KALRN: variants seen among roughly 807,000 people sequenced by gnomAD.
The protein encoded by KALRN is kalirin.
Under a neutral mutation model 353.7 loss-of-function variants are expected in KALRN, and 70 were observed. The ratio of observed to expected loss-of-function variants is 0.20; its 90% CI spans 0.16 to 0.24. The LOEUF (loss-of-function observed/expected upper bound fraction) is 0.24. Among genes scored for constraint, KALRN ranks in the 10% least tolerant of loss-of-function variants. The pLI is 1.00. For missense variants in KALRN, 2,791 were observed against 3,756.7 expected (o/e 0.74, Z 6.72); for synonymous variants, 1,391 against 1,434.8 (o/e 0.97, Z 0.69).
intron 1 of KALRN, among the ~76,000 whole-genome samples, chr3:124,138,324 T>C (rs1420016387): frequency 6.6e-6 from 1 of 152,166 alleles, no homozygotes; most frequent in Admixed American, 6.5e-5. Flanking sequence ...GTCAGTTAGC[T>C]CTGACTAAAA....
At chr3:124,467,229 T>G (rs1398745054) in intron 25 of KALRN, among the ~76,000 whole-genome samples, 1 of 152,058 alleles carries the variant, frequency 6.6e-6, no homozygotes, top group African/African-American at 2.4e-5. Context: ...AGGGGTAAAA[T>G]CGAGGCTGGG....
intron 34 of KALRN, among the ~76,000 whole-genome samples, chr3:124,587,660 C>T (rs35949922): frequency 0.13 from 19,355 of 145,160 alleles, 1,528 homozygotes; most frequent in Middle Eastern, 0.19. Flanking sequence ...GTATGGAAAG[C>T]GACTATCTTG....
At chr3:124,235,878 A>G (rs2148590804) in intron 3 of KALRN, among the ~76,000 whole-genome samples, 1 of 152,356 alleles carries the variant, frequency 6.6e-6, no homozygotes, top group East Asian at 1.9e-4. Flanking sequence ...GAGGAGCTAT[A>G]TATCCAGCTT....
chr3:124,241,135 C>G (rs943449120), intron 3 of KALRN, among the ~76,000 whole-genome samples: 1 of 152,134 alleles, frequency 6.6e-6, no homozygotes, highest in South Asian at 2.1e-4. Context: ...AGGGCTCCTC[C>G]CCATTCTGAC....
chr3:124,479,032 T>C (rs1006550570), intron 27 of KALRN, among the ~76,000 whole-genome samples: 1 of 152,268 alleles, frequency 6.6e-6, no homozygotes, highest in African/African-American at 2.4e-5. Context: ...GCATTTGTAA[T>C]GATTTGCCTT....
In KALRN at chr3:124,650,925, C is replaced by T; in HGVS notation, c.5782C>T (p.Leu1928=). The stretch of plus-strand genomic sequence containing the variant: ...AGAAGAAGAACAGAAAGCCAAGGCC[C>T]TGAGAGGCAGGATGTAAGTGGCTTC... The part of the protein sequence containing the change: ...NPEEEQKAKA[L]RGRMFVLNEL... Residue 1928 remains leucine (L), a synonymous_variant, in exon 38 of 60, where the codon CTG becomes TTG. Coordinates refer to ENST00000682506, the MANE Select transcript of KALRN (RefSeq NM_001388419.1). The T allele has an allele frequency of 6.2e-7, 1 of 1,614,150 alleles. No individual in the cohort carries two copies. Among genetic ancestry groups the T allele is most frequent in the Non-Finnish European group, 8.5e-7 (1 of 1,180,026 alleles).
chr3:124,111,705 A>G (rs1425404405), intron 1 of KALRN, among the ~76,000 whole-genome samples: 1 of 152,192 alleles, frequency 6.6e-6, no homozygotes, highest in Non-Finnish European at 1.5e-5. Context: ...TCATAAATAT[A>G]GGGGGCATGT....
intron 1 of KALRN, among the ~76,000 whole-genome samples, chr3:124,098,603 A>G (rs2061615158): frequency 6.6e-6 from 1 of 152,138 alleles, no homozygotes; most frequent in African/African-American, 2.4e-5. Context: ...CTAATTGCCC[A>G]GCTTCCATCC....
chr3:124,437,417 C>T (rs115417669), intron 17 of KALRN, among the ~76,000 whole-genome samples: 3,272 of 152,272 alleles, frequency 0.021, 107 homozygotes, highest in African/African-American at 0.075. Flanking sequence ...TGGCTGGGCA[C>T]GGAGGCTCAC....
At chr3:124,589,592 C>CA (rs1251946461) in intron 34 of KALRN, among the ~76,000 whole-genome samples, 1 of 152,070 alleles carries the variant, frequency 6.6e-6, no homozygotes, top group Non-Finnish European at 1.5e-5. Context: ...ACCCTGTTTC[C>CA]AAAAAATAAA....
At position 124,560,316 on chromosome 3, in the gene KALRN, A is replaced by G. The variant is rs557739321; in HGVS notation, c.4936-2527A>G. Among the ~76,000 whole-genome samples the G allele has an allele frequency of 1.3e-4, 20 of 152,382 alleles. 1 individual carries two copies. Among genetic ancestry groups the G allele is most frequent in the African/African-American group, 4.8e-4 (20 of 41,600 alleles). ...CCAGCTATGTGTGAGCTTGGCCTCA[A>G]GAAGCAACCCTGAGCCCCTGGCGTG... On this transcript the variant is annotated intron_variant, in intron 33 of 59. Transcript: ENST00000682506.
intron 13 of KALRN, among the ~76,000 whole-genome samples, chr3:124,408,189 TA>T (rs1368177238): frequency 4.8e-4 from 1 of 2,066 alleles, no homozygotes; most frequent in African/African-American, 5.6e-4. Flanking sequence ...CTTGGTCTGC[TA>T]AAAAAAATAT....
intron 25 of KALRN, among the ~76,000 whole-genome samples, chr3:124,468,344 G>C (rs1473610150): frequency 6.7e-6 from 1 of 150,354 alleles, no homozygotes; most frequent in Admixed American, 6.6e-5. Flanking sequence ...TGAAACACAA[G>C]GGGGGGGTTG....
chr3:124,441,112 G>A (rs778420576), intron 18 of KALRN, among the ~76,000 whole-genome samples: 43 of 152,134 alleles, frequency 2.8e-4, no homozygotes, highest in Admixed American at 6.6e-4. Context: ...GGGACTTCAT[G>A]GGCAAATAAG....
intron 4 of KALRN, among the ~76,000 whole-genome samples, chr3:124,265,295 A>ATTTTTTTTTTTTTTTTTTTTTT: frequency 1.6e-5 from 1 of 61,088 alleles, no homozygotes; most frequent in Non-Finnish European, 3.5e-5. Context: ...TTAAGAAAAT[A>ATTTTTTTTTTTTTTTTTTTTTT]TTCTTTTTTT....
intron 5 of KALRN, among the ~76,000 whole-genome samples, chr3:124,282,116 C>T (rs2149049562): frequency 6.6e-6 from 1 of 152,226 alleles, no homozygotes; most frequent in Non-Finnish European, 1.5e-5. Context: ...ACCCTCGAGA[C>T]ACTCAAGGGA....
At position 124,334,182 on chromosome 3, in the gene KALRN, C is replaced by A; in HGVS notation, c.1417-83C>A. ...GATTCTCAGAAGGCCTAGTCAGGGACCCTCAGGCAGACACTTCCTGCTTCT... is the reference window on the plus strand; with the variant it reads ...GATTCTCAGAAGGCCTAGTCAGGGAACCTCAGGCAGACACTTCCTGCTTCT... On this transcript the variant is annotated intron_variant, in intron 8 of 59. Transcript: ENST00000682506. The surrounding 1 kb of genome is among the most constrained non-coding windows in gnomAD (Gnocchi z 4.2). 1.7e-6 allele frequency: 2 copies of A among 1,177,332 alleles called. No individual in the cohort carries two copies. The highest frequency in any genetic ancestry group is 1.5e-5 in the African/African-American group (1 of 66,990). The allele number at this position is 1,177,332 out of a possible 1,614,324, so 72.9% of individuals were successfully genotyped here.
intron 34 of KALRN, among the ~76,000 whole-genome samples, chr3:124,598,156 C>T (rs889522122): frequency 5.3e-5 from 8 of 152,316 alleles, no homozygotes; most frequent in East Asian, 1.9e-4. Context: ...TATTTACAAA[C>T]GTCCAGAGGG....
At chr3:124,337,669 GGGA>G (rs1455054264) in intron 9 of KALRN, among the ~76,000 whole-genome samples, 1 of 152,194 alleles carries the variant, frequency 6.6e-6, no homozygotes, top group Non-Finnish European at 1.5e-5. Flanking sequence ...AAATGAGTTA[GGGA>G]GGAGTCCCTC....
Sources: gnomAD v4.1 joint callset for allele counts (sites outside exome capture counted in the v4.1 genomes callset) on GRCh38, gnomAD v4.1.1 for gene constraint, Gnocchi (gnomAD v3.1) non-coding constraint, MANE v1.5 for transcripts, NCBI Gene and HGNC (gene_info 2026-07-23, HGNC 2026-07-21) for gene names.